The following AGAP1 variants were observed in gnomAD, a reference collection of about 807,000 sequenced individuals.
The protein encoded by AGAP1 is arf-GAP with GTPase, ANK repeat and PH domain-containing protein 1.
AGAP1 carries 29 observed loss-of-function variants against 105.3 expected under a neutral mutation model. The observed-to-expected ratio is 0.28, with a 90% CI of 0.21 to 0.38. The LOEUF (loss-of-function observed/expected upper bound fraction) is 0.38, where lower values mean the gene tolerates loss of function less well. Ranked by LOEUF, AGAP1 falls within the 10% of genes least tolerant of loss-of-function variation. The pLI, the probability that AGAP1 is intolerant of heterozygous loss-of-function variation, is 1.00. For synonymous variants in AGAP1, 509 were observed against 485.9 expected, an observed-to-expected ratio of 1.05 and a Z score of -0.63; for missense variants, 998 against 1,165.1, an observed-to-expected ratio of 0.86 and a Z score of 2.09.
At chr2:235,506,726 C>T (rs553200245) in intron 1 of AGAP1, among the ~76,000 whole-genome samples, 1 of 152,162 alleles carries the variant, frequency 6.6e-6, no homozygotes, top group Non-Finnish European at 1.5e-5. Flanking sequence ...TGCAAAGCCA[C>T]ACACGAAAGC....
At chr2:235,862,839 G>C (rs1344337673) in intron 9 of AGAP1, among the ~76,000 whole-genome samples, 1 of 152,172 alleles carries the variant, frequency 6.6e-6, no homozygotes, top group Non-Finnish European at 1.5e-5. Context: ...ATCCAGGGTG[G>C]TGCTGTCCAC....
chr2:235,599,223 C>T lies in AGAP1; in HGVS notation c.163+104374C>T, dbSNP rs144338135. On this transcript the variant is annotated intron_variant, in intron 1 of 17. Coordinates refer to ENST00000304032, the MANE Select transcript of AGAP1 (RefSeq NM_001037131.3). The surrounding 1 kb of genome is among the most constrained non-coding windows in gnomAD (Gnocchi z 5.3). The stretch of plus-strand genomic sequence containing the variant: ...CAGCCAGTCCCTTCCACGAATGCTG[C>T]GAGAACCCACACAGCTGTTCATTTC... Among the ~76,000 whole-genome samples, 1 of 152,160 alleles carries T rather than the reference C, an allele frequency of 6.6e-6. No individual in the cohort carries two copies. Among genetic ancestry groups the T allele is most frequent in the Non-Finnish European group, 1.5e-5 (1 of 68,040 alleles).
At chr2:235,775,648 A>G (rs1018623066) in intron 6 of AGAP1, 1 of 152,294 alleles carries the variant, frequency 6.6e-6, no homozygotes, top group East Asian at 1.9e-4. Context: ...TGTTAACCCC[A>G]GTACATACCT....
chr2:236,028,360 C>G (rs538625251), intron 13 of AGAP1, among the ~76,000 whole-genome samples: 127 of 152,318 alleles, frequency 8.3e-4, no homozygotes, highest in Non-Finnish European at 1.2e-3. Context: ...AAAGCCTTCT[C>G]TTTGCCACCT....
Position 235,689,339 on chromosome 2 carries a change from A to C in AGAP1, c.164-19840A>C, listed in dbSNP as rs1217446706. ...TGCACAGCTCACCACGCGGGCCTGG[A>C]GTGAGCCTGCTGCTGTTCATCGGCC... On this transcript the variant is annotated intron_variant, in intron 1 of 17. Coordinates refer to ENST00000304032, the MANE Select transcript of AGAP1 (RefSeq NM_001037131.3). This position sits in a 1 kb window ranked among gnomAD's most constrained non-coding sequence, Gnocchi z 4.2. Among the ~76,000 whole-genome samples the C allele has an allele frequency of 6.6e-6, 1 of 152,174 alleles. No homozygotes were observed. Among genetic ancestry groups the C allele is most frequent in the African/African-American group, 2.4e-5 (1 of 41,442 alleles).
At chr2:235,508,154 A>C (rs1485143845) in intron 1 of AGAP1, among the ~76,000 whole-genome samples, 1 of 152,190 alleles carries the variant, frequency 6.6e-6, no homozygotes, top group African/African-American at 2.4e-5. Context: ...CACAGTGTAC[A>C]TGTACCACAT....
rs575413256 is a variant in AGAP1 at position 235,582,299 on chromosome 2, G to A, written c.163+87450G>A. 6.6e-6 allele frequency among the ~76,000 whole-genome samples: 1 copy of A among 152,270 alleles called. No individual in the cohort carries two copies. Among genetic ancestry groups the A allele is most frequent in the South Asian group, 2.1e-4 (1 of 4,820 alleles). Reference sequence around the variant, plus strand: ...ACCCCGCTGCGTGGTGCTGCCTGCCGAGGTGGTGTGGCTCTTTGTGCTGGC... The same window carrying A: ...ACCCCGCTGCGTGGTGCTGCCTGCCAAGGTGGTGTGGCTCTTTGTGCTGGC... On this transcript the variant is annotated intron_variant, in intron 1 of 17. Transcript: ENST00000304032. The surrounding 1 kb of genome is among the most constrained non-coding windows in gnomAD (Gnocchi z 4.7).
At chr2:235,881,118 T>A (rs187502269) in intron 9 of AGAP1, among the ~76,000 whole-genome samples, 20 of 152,320 alleles carry the variant, frequency 1.3e-4, no homozygotes, top group Admixed American at 1.0e-3. Flanking sequence ...TAAGCAACAA[T>A]GTCTAATGGT....
At chr2:235,828,433 G>A (rs997654490) in intron 9 of AGAP1, among the ~76,000 whole-genome samples, 3 of 152,200 alleles carry the variant, frequency 2.0e-5, no homozygotes, top group Non-Finnish European at 4.4e-5. Flanking sequence ...AATGCTCAGA[G>A]AAGTTGAGCC....
At chr2:236,065,655 C>T (rs909676709) in intron 16 of AGAP1, among the ~76,000 whole-genome samples, 3 of 152,204 alleles carry the variant, frequency 2.0e-5, no homozygotes, top group African/African-American at 7.2e-5. Context: ...CTTCCTAAGG[C>T]AAGCGAGTGG....
At chr2:235,763,303 A>C (rs887959857) in intron 6 of AGAP1, among the ~76,000 whole-genome samples, 14 of 151,984 alleles carry the variant, frequency 9.2e-5, no homozygotes, top group African/African-American at 3.4e-4. Context: ...TATTCCACAA[A>C]AAAAAAAAAA....
In AGAP1 at chr2:236,002,566, T is replaced by C. The variant is rs557639981; in HGVS notation, c.1645+33943T>C. Among the ~76,000 whole-genome samples the C allele has an allele frequency of 1.3e-5, 2 of 152,284 alleles. No individual in the cohort carries two copies. The highest frequency in any genetic ancestry group is 4.1e-4 in the South Asian group (2 of 4,822). On this transcript the variant is annotated intron_variant, in intron 13 of 17. Transcript: ENST00000304032. The surrounding 1 kb of genome is among the most constrained non-coding windows in gnomAD (Gnocchi z 4.3). ...CACTGGCTGCCCTTATAGAAGGCCTTGGAAAGAATTACTTCATGCATTCCT... is the reference window on the plus strand; with the variant it reads ...CACTGGCTGCCCTTATAGAAGGCCTCGGAAAGAATTACTTCATGCATTCCT...
At chr2:236,102,012 T>G (rs899397940) in intron 16 of AGAP1, among the ~76,000 whole-genome samples, 2 of 152,224 alleles carry the variant, frequency 1.3e-5, no homozygotes, top group African/African-American at 4.8e-5. Flanking sequence ...CTGGGCCCGG[T>G]GGCTCATGCC....
chr2:236,112,123 AGCTCTCTGGAGGCCAGGCGTGGTG>A (rs2059661238), intron 16 of AGAP1, among the ~76,000 whole-genome samples: 1 of 152,148 alleles, frequency 6.6e-6, no homozygotes, highest in Non-Finnish European at 1.5e-5. Flanking sequence ...TTGAAATAAA[AGCTCTCTGGAGGCCAGGCGTGGTG>A]GCTCACACCT....
At chr2:235,698,726 G>A (rs1217452374) in intron 1 of AGAP1, among the ~76,000 whole-genome samples, 3 of 152,360 alleles carry the variant, frequency 2.0e-5, no homozygotes, top group South Asian at 2.1e-4. Flanking sequence ...GACAGCTGGC[G>A]TTCTGGTGGT....
intron 13 of AGAP1, among the ~76,000 whole-genome samples, chr2:236,008,405 A>G (rs1329368662): frequency 2.0e-5 from 3 of 152,236 alleles, no homozygotes; most frequent in Non-Finnish European, 4.4e-5. Flanking sequence ...TTTTTCACCG[A>G]TGCATTTCTC....
intron 6 of AGAP1, among the ~76,000 whole-genome samples, chr2:235,767,439 A>G (rs1389230674): frequency 1.3e-5 from 2 of 152,168 alleles, no homozygotes; most frequent in Non-Finnish European, 2.9e-5. Flanking sequence ...GGCCCACACC[A>G]TCAGCCTCTG....
At chr2:235,768,544 T>C (rs148506563) in intron 6 of AGAP1, among the ~76,000 whole-genome samples, 7 of 152,330 alleles carry the variant, frequency 4.6e-5, no homozygotes, top group Admixed American at 1.3e-4. Context: ...TTTCTCAAAG[T>C]AGTCTTTTAG....
At chr2:236,079,644 G>T (rs72973073) in intron 16 of AGAP1, among the ~76,000 whole-genome samples, 21,189 of 151,886 alleles carry the variant, frequency 0.14, 2,781 homozygotes, top group African/African-American at 0.34. Flanking sequence ...TGCAGCAGGG[G>T]TAGGCAGACA....
Sources: allele counts gnomAD v4.1 joint callset (sites outside exome capture counted in the v4.1 genomes callset), GRCh38; gene constraint gnomAD v4.1.1; non-coding constraint Gnocchi (gnomAD v3.1); transcripts MANE v1.5; gene names NCBI Gene and HGNC (gene_info 2026-07-23, HGNC 2026-07-21).